Variants in RAB27A observed in about 807,000 individuals in gnomAD.
The protein encoded by RAB27A is RAB27A, member RAS oncogene family, also known as ras-related protein Rab-27A.
A neutral mutation model predicts 20.8 loss-of-function variants in RAB27A; 17 were observed. The observed-to-expected ratio is 0.82, with a 90% CI of 0.56 to 1.23. The LOEUF is 1.23. Ranked by LOEUF, RAB27A falls within the 50% of genes most tolerant of loss-of-function variation. RAB27A has a pLI of 0.00. For missense variants in RAB27A, 277 were observed against 266.7 expected (o/e 1.04, Z -0.27); for synonymous variants, 85 against 92.8 (o/e 0.92, Z 0.48).
chr15:55,221,873 A>T (rs1211872922), intron 6 of RAB27A, among the ~76,000 whole-genome samples: 1 of 152,190 alleles, frequency 6.6e-6, no homozygotes, highest in African/African-American at 2.4e-5. Context: ...CAGCCAGGTC[A>T]GAGGCAACAG....
At chr15:55,315,075 A>T (rs1340576409) in intron 1 of RAB27A, among the ~76,000 whole-genome samples, 1 of 152,206 alleles carries the variant, frequency 6.6e-6, no homozygotes, top group Non-Finnish European at 1.5e-5. Flanking sequence ...ACATAGACAA[A>T]TGGAACAGAA....
chr15:55,313,263 T>C (rs2055028908), intron 2 of RAB27A, among the ~76,000 whole-genome samples: 2 of 152,036 alleles, frequency 1.3e-5, no homozygotes, highest in Admixed American at 1.3e-4. Context: ...AAAGATTTGT[T>C]TTAAATAAGC....
intron 6 of RAB27A, among the ~76,000 whole-genome samples, chr15:55,209,801 C>CAT (rs1451012995): frequency 7.6e-6 from 1 of 132,132 alleles, no homozygotes; most frequent in African/African-American, 3.3e-5. Context: ...TGTATGTATA[C>CAT]ATATATACAC....
At chr15:55,319,091 C>T in exon 1 of RAB27A, 1 of 849,102 alleles carries the variant, frequency 1.2e-6, no homozygotes, top group South Asian at 2.0e-5. Context: ...GAAAGGAAAC[C>T]GCAAGGAGGC....
intron 2 of RAB27A, among the ~76,000 whole-genome samples, chr15:55,295,126 C>G (rs1412843787): frequency 6.6e-6 from 1 of 151,536 alleles, no homozygotes; most frequent in Non-Finnish European, 1.5e-5. Flanking sequence ...AAATGTGAAT[C>G]AAAATCACAA....
intron 2 of RAB27A, among the ~76,000 whole-genome samples, chr15:55,268,867 A>G (rs574602599): frequency 6.6e-6 from 1 of 152,210 alleles, no homozygotes; most frequent in Non-Finnish European, 1.5e-5. Flanking sequence ...TCAGAATACA[A>G]TGTTTTTTGG....
intron 6 of RAB27A, among the ~76,000 whole-genome samples, chr15:55,214,243 T>C (rs1331890300): frequency 6.6e-6 from 1 of 152,328 alleles, no homozygotes; most frequent in East Asian, 1.9e-4. Flanking sequence ...GAGACCATCC[T>C]GGCTAACATG....
At chr15:55,210,651 A>G (rs564064309) in intron 6 of RAB27A, among the ~76,000 whole-genome samples, 357 of 152,136 alleles carry the variant, frequency 2.3e-3, no homozygotes, top group Non-Finnish European at 3.8e-3. Flanking sequence ...TGAGCCCCTT[A>G]TATATTCTCG....
chr15:55,314,657 A>T (rs533665105), intron 1 of RAB27A, among the ~76,000 whole-genome samples: 1 of 152,230 alleles, frequency 6.6e-6, no homozygotes, highest in Non-Finnish European at 1.5e-5. Context: ...GTGAACTCCT[A>T]TTCACAACTG....
intron 6 of RAB27A, among the ~76,000 whole-genome samples, chr15:55,210,077 C>CGCATATATGTGTGTACATAT (rs1566896810): frequency 7.5e-4 from 62 of 83,212 alleles, no homozygotes; most frequent in African/African-American, 4.8e-3. Context: ...TGTACATATA[C>CGCATATATGTGTGTACATAT]ATATATACAC....
intron 6 of RAB27A, among the ~76,000 whole-genome samples, chr15:55,218,991 C>G (rs1302097012): frequency 1.3e-5 from 2 of 152,042 alleles, no homozygotes; most frequent in African/African-American, 4.8e-5. Context: ...ATCCACCCAC[C>G]TCAACCTCCC....
At chr15:55,268,163 T>G (rs1413953546) in intron 2 of RAB27A, among the ~76,000 whole-genome samples, 1 of 151,344 alleles carries the variant, frequency 6.6e-6, no homozygotes, top group Non-Finnish European at 1.5e-5. Context: ...TTTTTTTTTT[T>G]GGTATTTATA....
upstream of RAB27A, among the ~76,000 whole-genome samples, chr15:55,293,409 AAT>A (rs1188965745): frequency 6.6e-6 from 1 of 151,632 alleles, no homozygotes; most frequent in Non-Finnish European, 1.5e-5. Flanking sequence ...TAATAAATGA[AAT>A]AAGCAAAGAT....
At chr15:55,240,147 C>T (rs914726389) in intron 2 of RAB27A, among the ~76,000 whole-genome samples, 1 of 152,084 alleles carries the variant, frequency 6.6e-6, no homozygotes, top group Admixed American at 6.6e-5. Context: ...ATTCCTAGGG[C>T]CTGTTTTCCA....
intron 2 of RAB27A, among the ~76,000 whole-genome samples, chr15:55,256,275 G>A (rs1897075930): frequency 6.6e-6 from 1 of 152,078 alleles, no homozygotes; most frequent in African/African-American, 2.4e-5. Context: ...TTAGCAAGGT[G>A]AGGTGGCCTG....
Position 55,206,254 on chromosome 15 carries a change from G to A in RAB27A, c.468-549C>T, listed in dbSNP as rs1042741224. 7 of 667,314 alleles carry A rather than the reference G, an allele frequency of 1.0e-5. No individual in the cohort carries two copies. The East Asian group carries it at 8.1e-4, about 77-fold the overall frequency. The allele number at this position is 667,314 out of a possible 1,614,324, so 41.3% of individuals were successfully genotyped here. A position where few individuals can be genotyped will look rare whatever the true frequency, so the allele number is the denominator to read the frequency against. ...TTTTAAAGGACCATATATATATTTT[G>A]GCAATACATACTGATTTACTGTAAA... On this transcript the variant is annotated intron_variant, in intron 6 of 6. Coordinates refer to ENST00000336787, the MANE Select transcript of RAB27A (RefSeq NM_183235.3).
intron 2 of RAB27A, chr15:55,238,356 T>G (rs898282644): frequency 2.6e-5 from 4 of 152,160 alleles, no homozygotes; most frequent in Non-Finnish European, 5.9e-5. Context: ...GGCTTTAAAG[T>G]GACCAGTAGT....
intron 1 of RAB27A, chr15:55,314,185 A>G (rs1321911821): frequency 6.8e-6 from 1 of 146,978 alleles, no homozygotes; most frequent in Non-Finnish European, 1.5e-5. Context: ...AAAAAAAATT[A>G]CCTATGCTGG....
chr15:55,253,617 G>C (rs1207716143), intron 2 of RAB27A, among the ~76,000 whole-genome samples: 1 of 152,050 alleles, frequency 6.6e-6, no homozygotes, highest in Non-Finnish European at 1.5e-5. Context: ...GCCATCTATG[G>C]AAACAAAGCT....
Sources: gnomAD v4.1 joint callset for allele counts (sites outside exome capture counted in the v4.1 genomes callset) on GRCh38, gnomAD v4.1.1 for gene constraint, MANE v1.5 for transcripts, NCBI Gene and HGNC (gene_info 2026-07-23, HGNC 2026-07-21) for gene names.